The following GABRA2 variants were observed in gnomAD, a reference collection of about 807,000 sequenced individuals.
GABRA2 encodes gamma-aminobutyric acid type A receptor subunit alpha2, also known as gamma-aminobutyric acid receptor subunit alpha-2.
GABRA2 carries 16 observed loss-of-function variants against 48.7 expected under a neutral mutation model. The ratio of observed to expected loss-of-function variants is 0.33; its 90% CI spans 0.22 to 0.50. The LOEUF (loss-of-function observed/expected upper bound fraction) is 0.50. Among genes scored for constraint, GABRA2 ranks in the 20% least tolerant of loss-of-function variants. The pLI, the probability that GABRA2 is intolerant of heterozygous loss-of-function variation, is 0.98. For synonymous variants in GABRA2, 185 were observed against 184.5 expected, an observed-to-expected ratio of 1.00 and a Z score of -0.02; for missense variants, 275 against 535.6, an observed-to-expected ratio of 0.51 and a Z score of 4.80.
intron 4 of GABRA2, among the ~76,000 whole-genome samples, chr4:46,330,759 T>C (rs1731216239): frequency 1.3e-5 from 2 of 151,916 alleles, no homozygotes; most frequent in South Asian, 4.1e-4. Flanking sequence ...CTTTCTGTTT[T>C]GGCTGATAAT....
chr4:46,286,667 T>C (rs1327167225), intron 8 of GABRA2, among the ~76,000 whole-genome samples: 1 of 152,198 alleles, frequency 6.6e-6, no homozygotes, highest in Non-Finnish European at 1.5e-5. Context: ...TGTATCACAC[T>C]GTGGTTTTTG....
At chr4:46,389,450 G>A (rs1717936671) in intron 1 of GABRA2, 1 of 960,180 alleles carries the variant, frequency 1.0e-6, no homozygotes, top group Non-Finnish European at 1.2e-6. Context: ...ACACCAGCCA[G>A]GCAGGCAGCG....
At chr4:46,373,045 C>T (rs987201706) in intron 3 of GABRA2, among the ~76,000 whole-genome samples, 1 of 152,190 alleles carries the variant, frequency 6.6e-6, no homozygotes, top group African/African-American at 2.4e-5. Context: ...CAGCTGCCCC[C>T]TGGAACTGGT....
intron 1 of GABRA2, 93 bp downstream of exon 1, chr4:46,389,642 C>T: frequency 1.3e-6 from 1 of 742,420 alleles, no homozygotes; most frequent in Non-Finnish European, 1.6e-6. Flanking sequence ...TCCAGGGAGC[C>T]TCTGAAAGTG....
chr4:46,265,329 C>T (rs867454732), intron 8 of GABRA2, among the ~76,000 whole-genome samples: 29 of 144,564 alleles, frequency 2.0e-4, no homozygotes, highest in South Asian at 4.3e-4. Flanking sequence ...CATGAGCCAC[C>T]GCGCCTTGCC....
rs554893174 is a variant in GABRA2, at chr4:46,361,545, T to A, written c.187+24529A>T. Among the ~76,000 whole-genome samples the A allele has an allele frequency of 1.9e-4, 29 of 152,280 alleles. No individual in the cohort carries two copies. The South Asian group carries it at 5.8e-3, about 30-fold the overall frequency. ...AGGGGCAGGGCCCTCATGGAGAACC[T>A]CTGCTAGAACAATGAGGAAGGGAAA... is the stretch of plus-strand genomic sequence containing the variant. On this transcript the variant is annotated intron_variant, in intron 3 of 9. Coordinates refer to ENST00000381620, the MANE Select transcript of GABRA2 (RefSeq NM_000807.4).
At position 46,246,599 on chromosome 4, in the gene GABRA2, A is replaced by G. The variant is rs1713755704; in HGVS notation, c.*3709T>C. Among the ~76,000 whole-genome samples, 11 of 151,342 alleles carry G rather than the reference A, an allele frequency of 7.3e-5. No homozygotes were observed. Among genetic ancestry groups the G allele is most frequent in the African/African-American group, 2.7e-4 (11 of 41,470 alleles). On this transcript the variant is annotated 3_prime_UTR_variant, in exon 10 of 10. Coordinates refer to ENST00000381620, the MANE Select transcript of GABRA2 (RefSeq NM_000807.4). ...TAGGGTAGCAATGAGTCAGGTAGTA[A>G]TCCCCTTAAAATTCTGAATGTTTTC... is the stretch of plus-strand genomic sequence containing the variant.
intron 8 of GABRA2, among the ~76,000 whole-genome samples, chr4:46,267,985 A>G (rs978551536): frequency 1.3e-5 from 2 of 152,022 alleles, no homozygotes; most frequent in Admixed American, 1.3e-4. Flanking sequence ...AATATTCAAA[A>G]GACTTCTTGT....
chr4:46,371,478 C>T (rs1714880677), intron 3 of GABRA2, among the ~76,000 whole-genome samples: 1 of 151,972 alleles, frequency 6.6e-6, no homozygotes, highest in Admixed American at 6.6e-5. Context: ...ATTTTTTCTT[C>T]CCACAACTCA....
At chr4:46,297,929 T>C (rs543853310) in intron 8 of GABRA2, among the ~76,000 whole-genome samples, 27 of 152,222 alleles carry the variant, frequency 1.8e-4, no homozygotes, top group Admixed American at 1.7e-3. Context: ...TGGTATGGTG[T>C]GTTTTCATTT....
chr4:46,361,828 C>T lies in GABRA2; in HGVS notation c.187+24246G>A, dbSNP rs1713242086. ...GCATCAGCATTACCTGGATGTGAGA[C>T]ATAGAGTCAAAGGAGATCATTTTGA... On this transcript the variant is annotated intron_variant, in intron 3 of 9. Coordinates refer to ENST00000381620, the MANE Select transcript of GABRA2 (RefSeq NM_000807.4). 2.0e-5 allele frequency among the ~76,000 whole-genome samples: 3 copies of T among 152,346 alleles called. No individual in the cohort carries two copies. The South Asian group carries it at 6.2e-4, about 32-fold the overall frequency.
At chr4:46,365,775 T>G (rs1209102732) in intron 3 of GABRA2, 2 of 152,104 alleles carry the variant, frequency 1.3e-5, no homozygotes, top group African/African-American at 4.8e-5. Flanking sequence ...CCTGATCTTT[T>G]CCAAAGTACA....
chr4:46,255,871 A>C (rs1715704970), intron 9 of GABRA2, among the ~76,000 whole-genome samples: 1 of 151,650 alleles, frequency 6.6e-6, no homozygotes, highest in South Asian at 2.1e-4. Context: ...TAGCTAACAT[A>C]TAAACACCTA....
chr4:46,289,321 A>C (rs996020307), intron 8 of GABRA2, among the ~76,000 whole-genome samples: 3 of 152,238 alleles, frequency 2.0e-5, no homozygotes, highest in Non-Finnish European at 2.9e-5. Context: ...CACAAATGGT[A>C]GACTAAGAAA....
chr4:46,263,989 T>A (rs541782688), intron 8 of GABRA2, among the ~76,000 whole-genome samples: 1 of 151,880 alleles, frequency 6.6e-6, no homozygotes, highest in Non-Finnish European at 1.5e-5. Flanking sequence ...TTAGGGCTTC[T>A]TTAATTTCAT....
At chr4:46,253,283 T>C (rs1371418189) in intron 9 of GABRA2, among the ~76,000 whole-genome samples, 2 of 151,332 alleles carry the variant, frequency 1.3e-5, no homozygotes, top group African/African-American at 2.4e-5. Flanking sequence ...GCTCAGGAAA[T>C]ACAGGTACAA....
chr4:46,269,548 A>G (rs546870054), intron 8 of GABRA2, among the ~76,000 whole-genome samples: 32 of 152,044 alleles, frequency 2.1e-4, no homozygotes, highest in Non-Finnish European at 3.7e-4. Context: ...TCATAATTCA[A>G]TTTGAATGAA....
chr4:46,319,443 G>T (rs542728945), intron 4 of GABRA2, among the ~76,000 whole-genome samples: 1 of 151,776 alleles, frequency 6.6e-6, no homozygotes, highest in African/African-American at 2.4e-5. Flanking sequence ...CTATGAAGCA[G>T]GTATGCAACA....
chr4:46,265,890 A>G lies in GABRA2; in HGVS notation c.857-3762T>C, dbSNP rs972127325. Reference sequence around the variant, plus strand: ...GTTATTTTTTGTTTCCATTCATCTTATTTTCTAAAACCTCTTGTGATCTCT... The same window carrying G: ...GTTATTTTTTGTTTCCATTCATCTTGTTTTCTAAAACCTCTTGTGATCTCT... On this transcript the variant is annotated intron_variant, in intron 8 of 9. Transcript: ENST00000381620. Among the ~76,000 whole-genome samples the G allele has an allele frequency of 1.6e-4, 25 of 151,784 alleles. 1 individual carries two copies. Among genetic ancestry groups the G allele is most frequent in the African/African-American group, 6.0e-4 (25 of 41,362 alleles).
Sources: allele counts gnomAD v4.1 joint callset (sites outside exome capture counted in the v4.1 genomes callset), GRCh38; gene constraint gnomAD v4.1.1; transcripts MANE v1.5; gene names NCBI Gene and HGNC (gene_info 2026-07-23, HGNC 2026-07-21).